Variants in APBB2 observed in about 807,000 individuals in gnomAD.
APBB2 encodes the protein amyloid beta precursor protein binding family B member 2.
A neutral mutation model predicts 82.5 loss-of-function variants in APBB2; 38 were observed. The observed-to-expected ratio is 0.46, with a 90% CI of 0.36 to 0.60. APBB2 has a LOEUF of 0.60. APBB2 is among the 20% of genes least tolerant of loss of function. The probability of loss-of-function intolerance (pLI) is 0.00; values close to 1 mark genes in which losing one functional copy is unlikely to be tolerated. For synonymous variants in APBB2, 341 were observed against 368.2 expected (o/e 0.93, Z 0.85); for missense variants, 772 against 972.3 (o/e 0.79, Z 2.74).
intron 10 of APBB2, among the ~76,000 whole-genome samples, chr4:40,899,123 G>A (rs1774546029): frequency 6.6e-6 from 1 of 152,212 alleles, no homozygotes; most frequent in Non-Finnish European, 1.5e-5. Flanking sequence ...CCTTGGGTGA[G>A]TTAGTTAACC....
chr4:41,071,268 T>A (rs1490813620), intron 3 of APBB2, among the ~76,000 whole-genome samples: 1 of 152,260 alleles, frequency 6.6e-6, no homozygotes, highest in Non-Finnish European at 1.5e-5. Context: ...AGAAAGGTGA[T>A]GTAAGCTATC....
chr4:41,172,889 T>G (rs1176692744), intron 1 of APBB2, among the ~76,000 whole-genome samples: 1 of 152,234 alleles, frequency 6.6e-6, no homozygotes. Context: ...TTTAGGATAT[T>G]GAAAAACTTC....
chr4:41,201,869 A>G (rs1283426829), intron 1 of APBB2, among the ~76,000 whole-genome samples: 1 of 152,194 alleles, frequency 6.6e-6, no homozygotes, highest in Non-Finnish European at 1.5e-5. Context: ...GGCCAAAAAT[A>G]CGCCCCACAT....
chr4:41,048,815 GGC>G (rs568841034), intron 4 of APBB2, among the ~76,000 whole-genome samples: 1,590 of 152,268 alleles, frequency 0.01, 30 homozygotes, highest in African/African-American at 0.036. Context: ...TGCGATTGCA[GGC>G]GCGCGCTGCC....
intron 5 of APBB2, among the ~76,000 whole-genome samples, chr4:41,021,180 C>T (rs1183066649): frequency 6.6e-6 from 1 of 152,152 alleles, no homozygotes; most frequent in East Asian, 1.9e-4. Context: ...CAACTTCTAC[C>T]GAGGACCCCT....
chr4:40,971,713 G>A (rs1795967321), intron 6 of APBB2, among the ~76,000 whole-genome samples: 1 of 152,186 alleles, frequency 6.6e-6, no homozygotes. Flanking sequence ...TGTTTCAAAA[G>A]TAGAGAAAGA....
chr4:40,909,401 C>A (rs1777949327), intron 10 of APBB2, among the ~76,000 whole-genome samples: 1 of 152,208 alleles, frequency 6.6e-6, no homozygotes, highest in African/African-American at 2.4e-5. Flanking sequence ...CCACTGCAGG[C>A]TGACAAACAA....
intron 5 of APBB2, among the ~76,000 whole-genome samples, chr4:41,023,086 C>A (rs144718205): frequency 6.6e-6 from 1 of 152,088 alleles, no homozygotes; most frequent in Non-Finnish European, 1.5e-5. Context: ...CCGTGGCTCC[C>A]GAAAGAACAA....
chr4:40,960,217 T>A (rs1792721732), intron 6 of APBB2, among the ~76,000 whole-genome samples: 1 of 152,002 alleles, frequency 6.6e-6, no homozygotes, highest in Non-Finnish European at 1.5e-5. Context: ...CTTAAAGGGA[T>A]CAGAGTAAAA....
At chr4:41,051,118 A>T (rs1489822051) in intron 4 of APBB2, among the ~76,000 whole-genome samples, 1 of 152,202 alleles carries the variant, frequency 6.6e-6, no homozygotes, top group Non-Finnish European at 1.5e-5. Context: ...AATCAGGGCC[A>T]GGGAAGCTAA....
At chr4:40,983,099 T>C (rs564932696) in intron 6 of APBB2, among the ~76,000 whole-genome samples, 40 of 152,306 alleles carry the variant, frequency 2.6e-4, no homozygotes, top group Admixed American at 1.3e-3. Context: ...TAGATGCTGT[T>C]CTAAGTACTT....
intron 12 of APBB2, among the ~76,000 whole-genome samples, chr4:40,888,715 C>T (rs369060758): frequency 2.9e-4 from 38 of 133,090 alleles, no homozygotes; most frequent in South Asian, 5.1e-4. Flanking sequence ...TATGTAATGT[C>T]ACAAGCTCCA....
At chr4:41,204,631 C>G (rs56219350) in intron 1 of APBB2, among the ~76,000 whole-genome samples, 17,591 of 152,232 alleles carry the variant, frequency 0.12, 1,276 homozygotes, top group South Asian at 0.19. Context: ...TCATTCATTC[C>G]TTAGCTGTCA....
chr4:40,827,569 A>G (rs1750374298), intron 13 of APBB2, among the ~76,000 whole-genome samples: 1 of 152,182 alleles, frequency 6.6e-6, no homozygotes, highest in Non-Finnish European at 1.5e-5. Flanking sequence ...CGGCAGCCAC[A>G]GCAGTGGCTT....
chr4:40,952,185 CAAAAA>C (rs61159163), intron 6 of APBB2, among the ~76,000 whole-genome samples: 2 of 111,172 alleles, frequency 1.8e-5, no homozygotes, highest in Admixed American at 9.0e-5. Flanking sequence ...GACTCTGTCT[CAAAAA>C]AAAAAAAAAA....
At chr4:40,917,749 G>A (rs1421265952) in intron 10 of APBB2, among the ~76,000 whole-genome samples, 1 of 152,208 alleles carries the variant, frequency 6.6e-6, no homozygotes, top group African/African-American at 2.4e-5. Flanking sequence ...TATCAAAGAA[G>A]TAGAAGCTTT....
At chr4:40,922,238 A>C (rs1781443248) in intron 10 of APBB2, among the ~76,000 whole-genome samples, 1 of 152,222 alleles carries the variant, frequency 6.6e-6, no homozygotes, top group Non-Finnish European at 1.5e-5. Context: ...GCAGCACTGT[A>C]ATTGTCATTC....
intron 3 of APBB2, among the ~76,000 whole-genome samples, chr4:41,079,007 G>A (rs1329288465): frequency 1.3e-5 from 2 of 152,316 alleles, no homozygotes; most frequent in South Asian, 4.2e-4. Flanking sequence ...AAAGAGGCAG[G>A]AGCAGGAGGG....
chr4:41,195,977 G>A lies in APBB2; in HGVS notation c.-417+18428C>T. 2.0e-3 allele frequency among the ~76,000 whole-genome samples: 304 copies of A among 152,220 alleles called. 2 individuals are homozygous for A. Among genetic ancestry groups the A allele is most frequent in the African/African-American group, 4.1e-3 (172 of 41,522 alleles). On this transcript the variant is annotated intron_variant, in intron 1 of 17. Coordinates refer to ENST00000508593, the MANE Select transcript of APBB2 (RefSeq NM_004307.2). ...AGATCGAGACCATCCTGGCTAACAC[G>A]GTGAAACCCCGTCTCTACCGAAACT...
Sources: gnomAD v4.1 joint callset for allele counts (sites outside exome capture counted in the v4.1 genomes callset) on GRCh38, gnomAD v4.1.1 for gene constraint, MANE v1.5 for transcripts, NCBI Gene and HGNC (gene_info 2026-07-23, HGNC 2026-07-21) for gene names.